POTEJ: variants seen among roughly 807,000 people sequenced by gnomAD.
POTEJ encodes POTE ankyrin domain family, member J.
In POTEJ, 11 loss-of-function variants were observed where a neutral mutation model predicts 69.0. That is an observed-to-expected ratio of 0.16 (90% CI 0.10 to 0.26). POTEJ has a LOEUF of 0.26. Among genes scored for constraint, POTEJ ranks in the 10% least tolerant of loss-of-function variants. POTEJ has a pLI of 1.00. For missense variants in POTEJ, 327 were observed against 1,045.5 expected, an observed-to-expected ratio of 0.31 and a Z score of 9.48; for synonymous variants, 117 against 381.1, an observed-to-expected ratio of 0.31 and a Z score of 8.07.
intron 6 of POTEJ, among the ~76,000 whole-genome samples, chr2:130,628,756 T>C (rs2105218629): frequency 1.3e-5 from 2 of 149,446 alleles, no homozygotes; most frequent in Admixed American, 1.3e-4. Flanking sequence ...GTGTGGTGGC[T>C]CACACCTCTA....
intron 9 of POTEJ, among the ~76,000 whole-genome samples, chr2:130,637,340 G>A (rs1321477673): frequency 1.4e-4 from 21 of 151,248 alleles, no homozygotes; most frequent in African/African-American, 5.1e-4. Context: ...TTTTTGAGAT[G>A]GAGTCTCGCT....
chr2:130,642,023 G>A (rs1686399738), intron 10 of POTEJ, among the ~76,000 whole-genome samples: 1 of 151,180 alleles, frequency 6.6e-6, no homozygotes, highest in South Asian at 2.1e-4. Context: ...GAAAGAGCAA[G>A]GAGCGTATGA....
chr2:130,642,604 T>G, intron 10 of POTEJ, among the ~76,000 whole-genome samples: 1 of 149,456 alleles, frequency 6.7e-6, no homozygotes, highest in Non-Finnish European at 1.5e-5. Flanking sequence ...TGAAATGATC[T>G]ATATCTAAAT....
At chr2:130,628,539 GC>G (rs1377056488) in intron 6 of POTEJ, among the ~76,000 whole-genome samples, 11 of 108,284 alleles carry the variant, frequency 1.0e-4, no homozygotes, top group African/African-American at 4.8e-4. Context: ...AAGATGATGT[GC>G]AAGACTGTCC....
In POTEJ at chr2:130,642,840, G is replaced by C. The variant is rs532866679; in HGVS notation, c.1370-1143G>C. 2.1e-4 allele frequency among the ~76,000 whole-genome samples: 32 copies of C among 151,420 alleles called. No individual in the cohort carries two copies. In the East Asian group the frequency reaches 6.2e-3, roughly 29 times the overall value. ...AGGCCTCGCTCCCGCTCTTGCTGCT[G>C]CGTGGCATGCCGTCACCCTTTCCTG... is the stretch of plus-strand genomic sequence containing the variant. On this transcript the variant is annotated intron_variant, in intron 10 of 14. Coordinates refer to ENST00000409602, the MANE Select transcript of POTEJ (RefSeq NM_001277083.2).
chr2:130,637,513 G>C (rs559799492), intron 9 of POTEJ, among the ~76,000 whole-genome samples: 1 of 151,604 alleles, frequency 6.6e-6, no homozygotes, highest in South Asian at 2.1e-4. Flanking sequence ...AAGGTCATTT[G>C]ACTGTTTGCT....
At position 130,615,561 on chromosome 2, in the gene POTEJ, A is replaced by G. The variant is rs1685383188; in HGVS notation, c.411-1229A>G. Among the ~76,000 whole-genome samples the G allele has an allele frequency of 1.4e-5, 2 of 140,504 alleles. 1 individual carries two copies. The highest frequency in any genetic ancestry group is 5.9e-5 in the African/African-American group (2 of 34,108). 92.2% of individuals were successfully genotyped at this position (140,504 alleles called of 152,430 possible). A position where few individuals can be genotyped will look rare whatever the true frequency, so the allele number is the denominator to read the frequency against. ...CAGGTGGGAGCTAAATGGTGAGAAC[A>G]CACAGATACCTAGAGGGAAGGAACA... is the stretch of plus-strand genomic sequence containing the variant. On this transcript the variant is annotated intron_variant, in intron 1 of 14. Transcript: ENST00000409602.
At chr2:130,631,923 C>G (rs1685914154) in intron 8 of POTEJ, among the ~76,000 whole-genome samples, 1 of 143,446 alleles carries the variant, frequency 7.0e-6, no homozygotes, top group South Asian at 2.1e-4. Flanking sequence ...CTTTGGCTCC[C>G]ATTTTCAGTG....
chr2:130,638,394 G>T (rs1247978518), intron 9 of POTEJ, among the ~76,000 whole-genome samples: 1 of 150,194 alleles, frequency 6.7e-6, no homozygotes, highest in Non-Finnish European at 1.5e-5. Flanking sequence ...TAATTTACTG[G>T]GTCACAGTGC....
At chr2:130,637,442 G>C (rs1462396179) in intron 9 of POTEJ, among the ~76,000 whole-genome samples, 1 of 149,578 alleles carries the variant, frequency 6.7e-6, no homozygotes, top group Admixed American at 6.7e-5. Flanking sequence ...CAAGGAGCTG[G>C]CCCTCGCATA....
intron 9 of POTEJ, among the ~76,000 whole-genome samples, chr2:130,637,772 T>C (rs1405518136): frequency 2.0e-5 from 3 of 152,234 alleles, no homozygotes; most frequent in African/African-American, 4.8e-5. Context: ...ATCTCCCATG[T>C]CAGCTGGAGA....
chr2:130,637,617 G>A (rs1312215061), intron 9 of POTEJ, among the ~76,000 whole-genome samples: 1 of 152,258 alleles, frequency 6.6e-6, no homozygotes, highest in East Asian at 1.9e-4. Context: ...GTCATGTAAG[G>A]TGGTCTGTGA....
Position 130,611,467 on chromosome 2 carries a change from T to C in POTEJ, c.-66T>C. On this transcript the variant is annotated 5_prime_UTR_variant, in exon 1 of 15. Transcript: ENST00000409602. ...TGGAAACCCGGAGTTACCTGCTAGT[T>C]GGTGAAACTGGTTGGTAGACGTGAT... The C allele has an allele frequency of 1.7e-6, 1 of 575,526 alleles. No homozygotes were observed. The highest frequency in any genetic ancestry group is 3.1e-6 in the Non-Finnish European group (1 of 327,448). The allele number at this position is 575,526 out of a possible 1,614,324, so 35.7% of individuals were successfully genotyped here.
At chr2:130,629,015 G>T (rs1677168250) in intron 6 of POTEJ, among the ~76,000 whole-genome samples, 1 of 150,606 alleles carries the variant, frequency 6.6e-6, no homozygotes, top group Non-Finnish European at 1.5e-5. Flanking sequence ...CAAGACCCTG[G>T]CTCAAAAAAA....
At chr2:130,643,511 G>A (rs1686470468) in intron 10 of POTEJ, among the ~76,000 whole-genome samples, 2 of 136,534 alleles carry the variant, frequency 1.5e-5, no homozygotes, top group African/African-American at 2.8e-5. Context: ...GGAAGACCCT[G>A]ACTCATTAAA....
At chr2:130,613,265 C>CAT (rs1230704877) in intron 1 of POTEJ, among the ~76,000 whole-genome samples, 4 of 58,294 alleles carry the variant, frequency 6.9e-5, no homozygotes, top group South Asian at 5.4e-4. Flanking sequence ...CACATATATA[C>CAT]ATATATATAC....
At chr2:130,639,257 G>T (rs1444649337) in intron 10 of POTEJ, among the ~76,000 whole-genome samples, 17 of 152,300 alleles carry the variant, frequency 1.1e-4, no homozygotes, top group African/African-American at 4.1e-4. Context: ...GCTCTGGGAG[G>T]TCCTACCATA....
At chr2:130,626,987 A>G (rs566032341) in intron 6 of POTEJ, among the ~76,000 whole-genome samples, 1 of 152,116 alleles carries the variant, frequency 6.6e-6, no homozygotes, top group Admixed American at 6.5e-5. Flanking sequence ...GGCAGAAGAG[A>G]GGTATCGTCA....
At chr2:130,615,749 T>C (rs1685390543) in intron 1 of POTEJ, among the ~76,000 whole-genome samples, 1 of 149,192 alleles carries the variant, frequency 6.7e-6, no homozygotes, top group Non-Finnish European at 1.5e-5. Context: ...CCGGCACATG[T>C]ATCCCTGAAT....
Sources: allele counts gnomAD v4.1 joint callset (sites outside exome capture counted in the v4.1 genomes callset), GRCh38; gene constraint gnomAD v4.1.1; transcripts MANE v1.5; gene names NCBI Gene and HGNC (gene_info 2026-07-23, HGNC 2026-07-21).